NEBL: variants seen among roughly 807,000 people sequenced by gnomAD.
NEBL encodes LIM and SH3 protein 2.
A neutral mutation model predicts 140.2 loss-of-function variants in NEBL; 122 were observed. The observed-to-expected ratio is 0.87, with a 90% confidence interval of 0.75 to 1.01. NEBL has a LOEUF of 1.01. Ranked by LOEUF, NEBL falls within the 50% of genes least tolerant of loss-of-function variation. The pLI is 0.00. For synonymous variants in NEBL, 436 were observed against 398.9 expected, an observed-to-expected ratio of 1.09 and a Z score of -1.11; for missense variants, 1,365 against 1,231.3, an observed-to-expected ratio of 1.11 and a Z score of -1.62.
intron 21 of NEBL, 31 bp downstream of exon 21, chr10:20,817,569 T>C: frequency 1.3e-6 from 2 of 1,515,130 alleles, no homozygotes; most frequent in South Asian, 1.1e-5. Flanking sequence ...CATTTGATAG[T>C]GTAAGAAAAA....
intron 3 of NEBL, among the ~76,000 whole-genome samples, chr10:20,971,854 C>T (rs1210438173): frequency 6.6e-6 from 1 of 152,080 alleles, no homozygotes; most frequent in East Asian, 1.9e-4. Flanking sequence ...ACCTCGTGAT[C>T]CGCCTGCCTC....
intron 16 of NEBL, among the ~76,000 whole-genome samples, chr10:20,830,098 C>G (rs1159234042): frequency 6.6e-6 from 1 of 152,204 alleles, no homozygotes; most frequent in African/African-American, 2.4e-5. Context: ...CAGGATCATC[C>G]CAGCGGCTGT....
At chr10:21,271,955 A>C (rs1211442970) in intron 1 of NEBL, among the ~76,000 whole-genome samples, 4 of 151,734 alleles carry the variant, frequency 2.6e-5, no homozygotes. Context: ...GTACATCTTA[A>C]ATAGAAACAA....
At chr10:21,245,623 C>T (rs1588558616) in intron 3 of NEBL, among the ~76,000 whole-genome samples, 1 of 152,280 alleles carries the variant, frequency 6.6e-6, no homozygotes, top group South Asian at 2.1e-4. Flanking sequence ...CCTCCACCTC[C>T]TGGGTTCAAG....
intron 26 of NEBL, among the ~76,000 whole-genome samples, chr10:20,787,949 G>A (rs1041996230): frequency 1.3e-5 from 2 of 152,118 alleles, no homozygotes; most frequent in African/African-American, 4.8e-5. Context: ...CGTTACAAAA[G>A]CCTGAGAAAC....
Position 21,053,719 on chromosome 10 carries a change from G to C in NEBL, c.165-33518C>G, listed in dbSNP as rs559811495. The stretch of plus-strand genomic sequence containing the variant: ...CCAACATGAAGGGTCGCGTGTGAGT[G>C]TGATAAAGTGGGATTTAAGAAGTAT... On this transcript the variant is annotated intron_variant, in intron 2 of 6. Coordinates refer to the NEBL transcript ENST00000417816. Among the ~76,000 whole-genome samples, 13 of 152,246 alleles carry C rather than the reference G, an allele frequency of 8.5e-5. 1 individual carries two copies. The South Asian group carries it at 2.5e-3, about 29-fold the overall frequency.
chr10:20,890,919 G>A (rs1001633336), intron 2 of NEBL, among the ~76,000 whole-genome samples: 9 of 152,202 alleles, frequency 5.9e-5, no homozygotes, highest in Non-Finnish European at 1.3e-4. Context: ...TCTGTAATAT[G>A]CTCGTGTTTA....
intron 2 of NEBL, among the ~76,000 whole-genome samples, chr10:20,893,857 G>A (rs1847226900): frequency 1.3e-5 from 2 of 152,182 alleles, no homozygotes; most frequent in African/African-American, 4.8e-5. Flanking sequence ...AAGATGATGG[G>A]TCCTAAGCTA....
At chr10:21,030,513 C>T in intron 2 of NEBL, 1 of 811,878 alleles carries the variant, frequency 1.2e-6, no homozygotes, top group Non-Finnish European at 2.1e-6. Flanking sequence ...AAGGAGAATG[C>T]TTGGTGAAGT....
chr10:21,019,974 C>T lies in NEBL; in HGVS notation c.249+143G>A, dbSNP rs149114420. The T allele has an allele frequency of 7.0e-4, 524 of 752,494 alleles. 1 individual carries two copies. Among genetic ancestry groups the T allele is most frequent in the Middle Eastern group, 4.2e-3 (18 of 4,306 alleles). 46.6% of individuals were successfully genotyped at this position (752,494 alleles called of 1,614,324 possible). A position where few individuals can be genotyped will look rare whatever the true frequency, so the allele number is the denominator to read the frequency against. On this transcript the variant is annotated intron_variant, in intron 3 of 6. Transcript: ENST00000417816. ...AGTACAGATGTTCAACACTTTCACC[C>T]GGAATTCCCACACAGGCCTGCTTTC...
At chr10:20,811,719 C>T (rs955137595) in intron 24 of NEBL, among the ~76,000 whole-genome samples, 2 of 152,062 alleles carry the variant, frequency 1.3e-5, no homozygotes, top group Non-Finnish European at 2.9e-5. Flanking sequence ...TTCACTAGTA[C>T]CAAAAAATAA....
intron 2 of NEBL, among the ~76,000 whole-genome samples, chr10:21,082,749 C>T (rs1836439104): frequency 7.2e-6 from 1 of 139,268 alleles, no homozygotes; most frequent in African/African-American, 2.6e-5. Context: ...ATGGGATATG[C>T]AGGAGGGATG....
At chr10:21,072,298 A>G (rs1309605717) in intron 2 of NEBL, among the ~76,000 whole-genome samples, 2 of 151,964 alleles carry the variant, frequency 1.3e-5, no homozygotes, top group Non-Finnish European at 2.9e-5. Context: ...CGTCTTTTAT[A>G]ATGTCATTGG....
intron 2 of NEBL, among the ~76,000 whole-genome samples, chr10:21,096,317 G>A (rs1345501527): frequency 6.6e-6 from 1 of 151,942 alleles, no homozygotes; most frequent in Admixed American, 6.6e-5. Context: ...GGATATACAT[G>A]GAATATAAAC....
chr10:21,044,918 C>G (rs1834442898), intron 2 of NEBL, among the ~76,000 whole-genome samples: 1 of 152,060 alleles, frequency 6.6e-6, no homozygotes, highest in African/African-American at 2.4e-5. Flanking sequence ...AAATGAATTA[C>G]TAAAAGACTG....
intron 3 of NEBL, among the ~76,000 whole-genome samples, chr10:21,204,420 C>CCTTTCTCTCTCTCTCTTT (rs1841792863): frequency 1.3e-5 from 2 of 152,076 alleles, no homozygotes; most frequent in Non-Finnish European, 2.9e-5. Context: ...ACAGTAGAGA[C>CCTTTCTCTCTCTCTCTTT]CTTTCTCTCT....
intron 26 of NEBL, among the ~76,000 whole-genome samples, chr10:20,796,505 A>C (rs918963664): frequency 1.3e-5 from 2 of 152,064 alleles, no homozygotes; most frequent in African/African-American, 4.8e-5. Context: ...AGCCTCACAA[A>C]CCAAGAAAAT....
intron 2 of NEBL, among the ~76,000 whole-genome samples, chr10:21,120,393 CATATATATATATATAT>C (rs1201775144): frequency 5.0e-5 from 3 of 59,534 alleles, no homozygotes; most frequent in African/African-American, 1.2e-4. Context: ...AAAAAAAATA[CATATATATATATATAT>C]ATATATATAT....
chr10:20,902,199 C>T (rs530050061), upstream of NEBL, among the ~76,000 whole-genome samples: 33 of 151,860 alleles, frequency 2.2e-4, 1 homozygote, highest in Admixed American at 4.6e-4. Context: ...GTCAGGAGAT[C>T]GAGATCATCC....
Sources: allele counts gnomAD v4.1 joint callset (sites outside exome capture counted in the v4.1 genomes callset), GRCh38; gene constraint gnomAD v4.1.1; transcripts MANE v1.5; gene names NCBI Gene and HGNC (gene_info 2026-07-23, HGNC 2026-07-21).